Variants in VPS13B observed in about 807,000 individuals in gnomAD.
VPS13B encodes the protein intermembrane lipid transfer protein VPS13B.
VPS13B carries 285 observed loss-of-function variants against 426.4 expected under a neutral mutation model. That is an observed-to-expected ratio of 0.67 (90% CI 0.61 to 0.74). The LOEUF (loss-of-function observed/expected upper bound fraction) is 0.74. Among genes scored for constraint, VPS13B ranks in the 30% least tolerant of loss-of-function variants. The probability of loss-of-function intolerance (pLI) is 0.00; values close to 1 mark genes in which losing one functional copy is unlikely to be tolerated. For synonymous variants in VPS13B, 1,676 were observed against 1,676.4 expected, an observed-to-expected ratio of 1.00 and a Z score of 0.01; for missense variants, 4,537 against 4,782.6, an observed-to-expected ratio of 0.95 and a Z score of 1.51.
chr8:99,654,351 A>G (rs550005634), intron 34 of VPS13B, among the ~76,000 whole-genome samples: 4 of 152,098 alleles, frequency 2.6e-5, no homozygotes, highest in Non-Finnish European at 5.9e-5. Flanking sequence ...CCCGGCTGAC[A>G]CTGAATTATT....
chr8:99,652,248 T>C (rs1477539666), intron 34 of VPS13B, among the ~76,000 whole-genome samples: 1 of 152,138 alleles, frequency 6.6e-6, no homozygotes, highest in Non-Finnish European at 1.5e-5. Flanking sequence ...CTTACAGCTG[T>C]GTGACCTTAG....
chr8:99,842,271 G>A (rs1815732815), intron 54 of VPS13B, among the ~76,000 whole-genome samples: 1 of 152,116 alleles, frequency 6.6e-6, no homozygotes. Flanking sequence ...ATATCAACTT[G>A]CAGCAAAAGA....
intron 2 of VPS13B, among the ~76,000 whole-genome samples, chr8:99,027,349 C>G (rs1407087765): frequency 6.7e-6 from 1 of 149,846 alleles, no homozygotes; most frequent in East Asian, 2.0e-4. Flanking sequence ...TCCATTCTTC[C>G]TTCCTTACTT....
At chr8:99,689,151 T>C (rs909020949) in intron 35 of VPS13B, among the ~76,000 whole-genome samples, 2 of 152,026 alleles carry the variant, frequency 1.3e-5, no homozygotes, top group Non-Finnish European at 2.9e-5. Context: ...TTCATCTTTA[T>C]ATAGATAGCA....
chr8:99,022,981 CTCTTT>C (rs970870761), intron 2 of VPS13B, among the ~76,000 whole-genome samples: 10 of 151,118 alleles, frequency 6.6e-5, no homozygotes, highest in Admixed American at 5.9e-4. Context: ...TGAGATCTCT[CTCTTT>C]TCTTTTCTTT....
chr8:99,103,231 A>G (rs986240907), intron 5 of VPS13B, 111 bp downstream of exon 5: 1 of 1,278,834 alleles, frequency 7.8e-7, no homozygotes, highest in African/African-American at 1.5e-5. Flanking sequence ...TCAAATCTTC[A>G]TGCCTCCAGT....
At chr8:99,105,657 G>C (rs1246060434) in intron 5 of VPS13B, among the ~76,000 whole-genome samples, 2 of 152,304 alleles carry the variant, frequency 1.3e-5, no homozygotes, top group South Asian at 4.1e-4. Context: ...GGGATTACAG[G>C]CATGAGCCAC....
chr8:99,442,449 T>C lies in VPS13B; in HGVS notation c.3259T>C (p.Ser1087Pro), dbSNP rs751396748. ...CVFIPNDSLP[S>P]PSTIVSGDIP... ...GTTTATTCCAAATGATAGCCTGCCTTCCCCAAGTACAATTGTATCTGGTGA... is the reference window on the plus strand; with the variant it reads ...GTTTATTCCAAATGATAGCCTGCCTCCCCCAAGTACAATTGTATCTGGTGA... The change falls in exon 23 of 62, where the codon TCC becomes CCC. Residue 1087 changes from serine to proline, a missense_variant. Physicochemically the swap from Ser to Pro is moderately conservative, Grantham distance 74. Transcript: ENST00000357162. 4 of 1,613,960 alleles carry C rather than the reference T, an allele frequency of 2.5e-6. No homozygotes were observed. The highest frequency in any genetic ancestry group is 3.4e-6 in the Non-Finnish European group (4 of 1,179,890).
chr8:99,171,203 A>G (rs1812311067), intron 16 of VPS13B, among the ~76,000 whole-genome samples: 1 of 151,780 alleles, frequency 6.6e-6, no homozygotes, highest in Non-Finnish European at 1.5e-5. Flanking sequence ...TTACTCCTCC[A>G]TACCTCTCAC....
intron 33 of VPS13B, among the ~76,000 whole-genome samples, chr8:99,614,236 T>C (rs564105612): frequency 1.4e-3 from 207 of 151,700 alleles, no homozygotes; most frequent in African/African-American, 4.6e-3. Flanking sequence ...TAAAATAGTT[T>C]TTATTTTAAA....
intron 19 of VPS13B, among the ~76,000 whole-genome samples, chr8:99,358,002 TCA>T (rs34418547): frequency 0.073 from 10,469 of 144,278 alleles, 458 homozygotes; most frequent in African/African-American, 0.12. Flanking sequence ...GGATTAAATA[TCA>T]CACACACACA....
intron 33 of VPS13B, among the ~76,000 whole-genome samples, chr8:99,631,169 A>G (rs556108230): frequency 2.8e-4 from 42 of 151,980 alleles, no homozygotes; most frequent in Non-Finnish European, 4.9e-4. Context: ...ATTTATCTCA[A>G]AAATCTTATG....
intron 37 of VPS13B, among the ~76,000 whole-genome samples, chr8:99,718,949 C>G (rs986875806): frequency 6.6e-6 from 1 of 152,022 alleles, no homozygotes; most frequent in African/African-American, 2.4e-5. Context: ...AGCACCCGGC[C>G]AATTTTTTGT....
chr8:99,622,351 T>C (rs1444488337), intron 33 of VPS13B, among the ~76,000 whole-genome samples: 1 of 152,218 alleles, frequency 6.6e-6, no homozygotes, highest in African/African-American at 2.4e-5. Flanking sequence ...CTTCTGACAC[T>C]GATTACAGAG....
intron 3 of VPS13B, among the ~76,000 whole-genome samples, chr8:99,075,823 G>C (rs1845088298): frequency 6.6e-6 from 1 of 152,094 alleles, no homozygotes; most frequent in African/African-American, 2.4e-5. Flanking sequence ...TTTTCAAAAA[G>C]CTAACTTTTT....
chr8:99,560,076 C>T (rs1824823469), intron 31 of VPS13B, among the ~76,000 whole-genome samples: 1 of 152,014 alleles, frequency 6.6e-6, no homozygotes, highest in South Asian at 2.1e-4. Flanking sequence ...GTCCTCTTTT[C>T]TTTCATTGAG....
In VPS13B at chr8:99,556,432, T is replaced by C. The variant is rs778023118; in HGVS notation, c.4746-18T>C. The C allele has an allele frequency of 6.2e-7, 1 of 1,610,718 alleles. No individual in the cohort carries two copies. The highest frequency in any genetic ancestry group is 8.5e-7 in the Non-Finnish European group (1 of 1,178,962). On this transcript the variant is annotated intron_variant, in intron 30 of 61. Coordinates refer to ENST00000357162, the MANE Select transcript of VPS13B (RefSeq NM_152564.5). ...TGTTTTCTTGTTTTTATTTTTGTTTTTTTCGCTGCCTTTACAGGAGAGCCT... is the reference window on the plus strand; with the variant it reads ...TGTTTTCTTGTTTTTATTTTTGTTTCTTTCGCTGCCTTTACAGGAGAGCCT...
Position 99,875,902 on chromosome 8 carries a change from T to C in VPS13B, c.*236T>C, listed in dbSNP as rs994064795. ...TAGGCAGCTCTAACATCATCTGATA[T>C]GGACACAAGGCCAACAGTTTCCTTA... On this transcript the variant is annotated 3_prime_UTR_variant, in exon 62 of 62. Transcript: ENST00000357162. 3.5e-6 allele frequency: 2 copies of C among 563,732 alleles called. No individual in the cohort carries two copies. Among genetic ancestry groups the C allele is most frequent in the South Asian group, 2.0e-5 (1 of 48,844 alleles). The allele number at this position is 563,732 out of a possible 1,614,324, so 34.9% of individuals were successfully genotyped here. A position where few individuals can be genotyped will look rare whatever the true frequency, so the allele number is the denominator to read the frequency against.
At chr8:99,824,951 C>T (rs1348820288) in intron 51 of VPS13B, among the ~76,000 whole-genome samples, 2 of 152,142 alleles carry the variant, frequency 1.3e-5, no homozygotes, top group Non-Finnish European at 2.9e-5. Context: ...TGTATATGTG[C>T]CACATTTTAT....
Sources: gnomAD v4.1 joint callset for allele counts (sites outside exome capture counted in the v4.1 genomes callset) on GRCh38, gnomAD v4.1.1 for gene constraint, MANE v1.5 for transcripts, NCBI Gene and HGNC (gene_info 2026-07-23, HGNC 2026-07-21) for gene names.